The following LRRK1 variants were observed in gnomAD, a reference collection of about 807,000 sequenced individuals.
The protein encoded by LRRK1 is leucine-rich repeat serine/threonine-protein kinase 1.
Under a neutral mutation model 209.1 loss-of-function variants are expected in LRRK1, and 113 were observed. That is an observed-to-expected ratio of 0.54 (90% CI 0.46 to 0.63). The LOEUF is 0.63. Ranked by LOEUF, LRRK1 falls within the 30% of genes least tolerant of loss-of-function variation. The pLI, the probability that LRRK1 is intolerant of heterozygous loss-of-function variation, is 0.00. For missense variants in LRRK1, 2,284 were observed against 2,632.2 expected, an observed-to-expected ratio of 0.87 and a Z score of 2.89; for synonymous variants, 1,144 against 1,099.7, an observed-to-expected ratio of 1.04 and a Z score of -0.80.
chr15:100,974,038 T>A, intron 3 of LRRK1, 71 bp downstream of exon 3: 1 of 1,181,162 alleles, frequency 8.5e-7, no homozygotes, highest in Non-Finnish European at 1.1e-6. Flanking sequence ...CTCAGATGAT[T>A]TTCTCGTTAT....
At chr15:100,944,039 T>C (rs1392956938) in intron 2 of LRRK1, among the ~76,000 whole-genome samples, 2 of 152,054 alleles carry the variant, frequency 1.3e-5, no homozygotes, top group East Asian at 3.9e-4. Context: ...TGAACACAGG[T>C]CAGAGAAAAA....
chr15:100,937,038 G>C (rs2042310953), intron 2 of LRRK1, among the ~76,000 whole-genome samples: 1 of 152,094 alleles, frequency 6.6e-6, no homozygotes, highest in Non-Finnish European at 1.5e-5. Context: ...GCTTTTTAAT[G>C]GGTAGATGTC....
intron 20 of LRRK1, among the ~76,000 whole-genome samples, chr15:101,035,497 G>A (rs1209315071): frequency 2.6e-5 from 4 of 152,036 alleles, no homozygotes; most frequent in Non-Finnish European, 1.5e-5. Context: ...TATTTGCATG[G>A]AATATCTTTT....
rs575789781 is a variant in LRRK1, at chr15:100,945,432, C to T, written c.97+20703C>T. On this transcript the variant is annotated intron_variant, in intron 2 of 33. Transcript: ENST00000388948. The stretch of plus-strand genomic sequence containing the variant: ...GTGTGACCAAGCATGTTTTAGCATG[C>T]GTAAGAAGTAGCTATATTTACTTTT... Among the ~76,000 whole-genome samples, 32 of 145,628 alleles carry T rather than the reference C, an allele frequency of 2.2e-4. No homozygotes were observed. In the East Asian group the frequency reaches 2.5e-3, roughly 11 times the overall value.
chr15:101,061,348 G>C, intron 30 of LRRK1, 60 bp downstream of exon 30: 1 of 1,196,268 alleles, frequency 8.4e-7, no homozygotes, highest in Non-Finnish European at 1.2e-6. Flanking sequence ...GTGCAGCCCT[G>C]GGTGGGGGCC....
rs76097388 is a variant in LRRK1 at position 100,931,549 on chromosome 15, G to A, written c.97+6820G>A. 2.2e-4 allele frequency among the ~76,000 whole-genome samples: 33 copies of A among 152,324 alleles called. No homozygotes were observed. The East Asian group carries it at 4.2e-3, about 20-fold the overall frequency. Reference sequence around the variant, plus strand: ...AGCTTAGTTTGGACTTGACACAGCCGTGTGAACTCAGAGAGGCAAGTGGGT... The same window carrying A: ...AGCTTAGTTTGGACTTGACACAGCCATGTGAACTCAGAGAGGCAAGTGGGT... On this transcript the variant is annotated intron_variant, in intron 2 of 33. Transcript: ENST00000388948.
At chr15:101,021,006 G>A in intron 12 of LRRK1, 47 bp from the exon 13 acceptor site, 1 of 1,610,934 alleles carries the variant, frequency 6.2e-7, no homozygotes, top group Non-Finnish European at 8.5e-7. Flanking sequence ...CGCTGTGACG[G>A]TCCAGAATTA....
intron 2 of LRRK1, among the ~76,000 whole-genome samples, chr15:100,958,301 G>A (rs1345283909): frequency 6.6e-6 from 1 of 152,216 alleles, no homozygotes; most frequent in Non-Finnish European, 1.5e-5. Context: ...GCACAAACAT[G>A]TATACTGAAT....
intron 20 of LRRK1, among the ~76,000 whole-genome samples, chr15:101,031,262 T>C (rs1205720373): frequency 6.6e-6 from 1 of 152,230 alleles, no homozygotes; most frequent in Non-Finnish European, 1.5e-5. Context: ...CCAGACGCCC[T>C]TCCAGTCGCT....
chr15:100,942,058 G>A (rs2042448598), intron 2 of LRRK1, among the ~76,000 whole-genome samples: 1 of 152,214 alleles, frequency 6.6e-6, no homozygotes, highest in Non-Finnish European at 1.5e-5. Context: ...GTTGATATTT[G>A]TAATAATTTC....
At chr15:100,963,327 C>T (rs1227045209) in intron 2 of LRRK1, among the ~76,000 whole-genome samples, 1 of 152,170 alleles carries the variant, frequency 6.6e-6, no homozygotes, top group African/African-American at 2.4e-5. Flanking sequence ...CTTAGAAAGC[C>T]GAGTAGCAGC....
At chr15:101,048,879 A>G (rs1437959060) in intron 22 of LRRK1, among the ~76,000 whole-genome samples, 2 of 152,294 alleles carry the variant, frequency 1.3e-5, no homozygotes, top group East Asian at 3.9e-4. Context: ...GGGAAAGGCA[A>G]AGGCAGATGT....
intron 11 of LRRK1, among the ~76,000 whole-genome samples, chr15:101,014,713 TCTC>T (rs1490383459): frequency 6.6e-6 from 1 of 152,164 alleles, no homozygotes; most frequent in Non-Finnish European, 1.5e-5. Flanking sequence ...TGTGACCTAA[TCTC>T]CTCTTCTTAT....
At chr15:101,013,123 C>T (rs958366265) in intron 10 of LRRK1, among the ~76,000 whole-genome samples, 2 of 149,810 alleles carry the variant, frequency 1.3e-5, no homozygotes, top group African/African-American at 5.0e-5. Flanking sequence ...TGTGTCTGCT[C>T]GAGGTCTCCT....
At position 101,061,267 on chromosome 15, in the gene LRRK1, A is replaced by T; in HGVS notation, c.4776A>T (p.Arg1592Ser). 1 of 1,613,292 alleles carries T rather than the reference A, an allele frequency of 6.2e-7. No homozygotes were observed. ...TGAGCTGCCAGCTCCAGGTCCAGAG[A>T]TCCCTGTGGACAGCCACCGAGGTAA... is the stretch of plus-strand genomic sequence containing the variant. ...MKVSCQLQVQ[R>S]SLWTATEDQK... The change falls in exon 30 of 34, where the codon AGA (arginine) becomes AGT (serine). Residue 1592 changes from arginine to serine, a missense_variant. Around this residue, in one of 6 missense-constraint regions of LRRK1, gnomAD observed 643 missense variants for 695.9 expected, o/e 0.92. Transcript: ENST00000388948.
intron 2 of LRRK1, 109 bp from the exon 3 acceptor site, chr15:100,973,695 C>G (rs910757603): frequency 1.8e-6 from 2 of 1,107,512 alleles, no homozygotes; most frequent in East Asian, 6.4e-5. Context: ...CTGAAGCCCC[C>G]GCGATCGTGC....
At chr15:100,986,812 C>T (rs549157033) in intron 4 of LRRK1, among the ~76,000 whole-genome samples, 1 of 152,360 alleles carries the variant, frequency 6.6e-6, no homozygotes, top group South Asian at 2.1e-4. Flanking sequence ...CCTCTGCCTT[C>T]AGCTGTTCTC....
intron 2 of LRRK1, among the ~76,000 whole-genome samples, chr15:100,950,377 A>G (rs1263013914): frequency 3.3e-5 from 5 of 152,252 alleles, no homozygotes; most frequent in African/African-American, 1.2e-4. Context: ...TTCTGTATTC[A>G]TGGATTGGAA....
intron 2 of LRRK1, among the ~76,000 whole-genome samples, chr15:100,959,942 T>C (rs1349032559): frequency 6.6e-6 from 1 of 152,192 alleles, no homozygotes; most frequent in African/African-American, 2.4e-5. Context: ...TCCTTTCAGA[T>C]TGAGACATTT....
Sources: gnomAD v4.1 joint callset for allele counts (sites outside exome capture counted in the v4.1 genomes callset) on GRCh38, gnomAD v4.1.1 for gene constraint, gnomAD v4.1.1 regional missense constraint, MANE v1.5 for transcripts, NCBI Gene and HGNC (gene_info 2026-07-23, HGNC 2026-07-21) for gene names.